Variants in POMT2 observed in about 807,000 individuals in gnomAD.
POMT2 encodes protein O-mannosyl-transferase 2.
POMT2 carries 75 observed loss-of-function variants against 100.0 expected under a neutral mutation model. That is an observed-to-expected ratio of 0.75 (90% CI 0.62 to 0.91). The LOEUF (loss-of-function observed/expected upper bound fraction) is 0.91. Ranked by LOEUF, POMT2 falls within the 40% of genes least tolerant of loss-of-function variation. The pLI is 0.00. For synonymous variants in POMT2, 378 were observed against 374.1 expected, an observed-to-expected ratio of 1.01 and a Z score of -0.12; for missense variants, 940 against 955.1, an observed-to-expected ratio of 0.98 and a Z score of 0.21.
At chr14:77,308,384 T>A (rs1380248198) in intron 2 of POMT2, among the ~76,000 whole-genome samples, 3 of 139,534 alleles carry the variant, frequency 2.2e-5, no homozygotes, top group African/African-American at 5.4e-5. Flanking sequence ...AGATGAAGTG[T>A]TGCTCTTGTC....
At chr14:77,278,117 G>T (rs900107613) in intron 20 of POMT2, among the ~76,000 whole-genome samples, 1 of 152,222 alleles carries the variant, frequency 6.6e-6, no homozygotes, top group African/African-American at 2.4e-5. Flanking sequence ...TGTCACTAGA[G>T]GGGTACCCTT....
chr14:77,306,201 A>C, intron 3 of POMT2, 136 bp downstream of exon 3: 1 of 1,458,554 alleles, frequency 6.9e-7, no homozygotes, highest in Non-Finnish European at 9.3e-7. Flanking sequence ...GGAGGGTCTG[A>C]TCATCCTCCC....
intron 2 of POMT2, among the ~76,000 whole-genome samples, chr14:77,310,312 G>A (rs545839875): frequency 1.4e-4 from 21 of 152,266 alleles, no homozygotes; most frequent in Admixed American, 6.5e-4. Context: ...TCCCTATGAC[G>A]AACTACTTAT....
intron 8 of POMT2, chr14:77,296,599 A>C: frequency 6.6e-6 from 2 of 301,476 alleles, no homozygotes; most frequent in Non-Finnish European, 1.2e-5. Flanking sequence ...TGGAATAAAG[A>C]AGGAAGTATC....
intron 1 of POMT2, 170 bp downstream of exon 1, chr14:77,320,264 C>G (rs1891812170): frequency 3.5e-6 from 4 of 1,127,944 alleles, no homozygotes; most frequent in Non-Finnish European, 5.1e-6. Context: ...AAACGATCCC[C>G]CTCCCAGAGA....
Position 77,292,462 on chromosome 14 carries a change from T to C in POMT2, c.1117-1082A>G, listed in dbSNP as rs548425783. On this transcript the variant is annotated intron_variant, in intron 9 of 20. Transcript: ENST00000261534. ...AGGAAACTGAAGTTAAGTAATTTGC[T>C]CAAGGTCACACAGCTTATGCGTTGG... Among the ~76,000 whole-genome samples, 17 of 152,182 alleles carry C rather than the reference T, an allele frequency of 1.1e-4. 1 individual carries two copies. The highest frequency in any genetic ancestry group is 2.2e-4 in the Non-Finnish European group (15 of 68,028).
intron 3 of POMT2, among the ~76,000 whole-genome samples, chr14:77,305,696 C>T (rs940461129): frequency 1.3e-5 from 2 of 152,254 alleles, no homozygotes; most frequent in African/African-American, 4.8e-5. Flanking sequence ...TCAGCTTCTG[C>T]TGGCTTCATT....
intron 11 of POMT2, 21 bp from the exon 12 acceptor site, chr14:77,286,843 G>C: frequency 6.2e-7 from 1 of 1,614,164 alleles, no homozygotes; most frequent in Non-Finnish European, 8.5e-7. Context: ...GAAAAGAGAA[G>C]TGTCATTATC....
chr14:77,279,400 C>T, intron 18 of POMT2: 1 of 394,136 alleles, frequency 2.5e-6, no homozygotes, highest in Admixed American at 3.2e-5. Flanking sequence ...GGAGGCTCCT[C>T]TCTAGCCCAT....
At chr14:77,308,999 T>C (rs1891340645) in intron 2 of POMT2, among the ~76,000 whole-genome samples, 1 of 152,206 alleles carries the variant, frequency 6.6e-6, no homozygotes, top group Non-Finnish European at 1.5e-5. Flanking sequence ...CACACGGCCA[T>C]TAAACAGAAT....
At chr14:77,305,052 G>C (rs946671095) in intron 3 of POMT2, among the ~76,000 whole-genome samples, 16 of 152,218 alleles carry the variant, frequency 1.1e-4, no homozygotes, top group African/African-American at 3.9e-4. Context: ...AGCCAGGAAG[G>C]TGTGGGTAGG....
Position 77,299,443 on chromosome 14 carries a change from CTCTG to C in POMT2, c.923+8_923+11del, listed in dbSNP as rs1272206712. 2.5e-6 allele frequency: 4 copies of C among 1,609,110 alleles called. No individual in the cohort carries two copies. Among genetic ancestry groups the C allele is most frequent in the African/African-American group, 1.3e-5 (1 of 74,788 alleles). ...AACCAGAAGCAAGATGCTGCAAAGGCTCTGTCTGTACCTTTTACTCAGCACCATG... is the reference window on the plus strand; with the variant it reads ...AACCAGAAGCAAGATGCTGCAAAGGCTCTGTACCTTTTACTCAGCACCATG... On this transcript the variant is annotated splice_region_variant and intron_variant, in intron 7 of 20. Coordinates refer to ENST00000261534, the MANE Select transcript of POMT2 (RefSeq NM_013382.7).
chr14:77,299,504 C>A lies in POMT2; in HGVS notation c.874G>T (p.Ala292Ser). 6.2e-7 allele frequency: 1 copy of A among 1,614,086 alleles called. No homozygotes were observed. Among genetic ancestry groups the A allele is most frequent in the Non-Finnish European group, 8.5e-7 (1 of 1,179,996 alleles). The change falls in exon 7 of 21, where the codon GCT becomes TCT. Residue 292 changes from alanine (A) to serine (S), a missense_variant. By Grantham distance (99) the Ala-to-Ser change is moderately conservative. Transcript: ENST00000261534. ...RVLCLIVLPLALYTATFAVHF... is the reference protein window; with the variant it reads ...RVLCLIVLPLSLYTATFAVHF... ...ACAGCAAAGGTGGCTGTATAGAGAG[C>A]CAGGGGCAGCACTATGAGGCACAGG...
chr14:77,300,985 C>A lies in POMT2; in HGVS notation c.816+105G>T, dbSNP rs915930002. On this transcript the variant is annotated intron_variant, in intron 6 of 20. Coordinates refer to ENST00000261534, the MANE Select transcript of POMT2 (RefSeq NM_013382.7). Reference sequence around the variant, plus strand: ...GGTCCAGCCCACCTGGGACCCAGAACACAGCCACTCTGCCACCTGCAGTAG... The same window carrying A: ...GGTCCAGCCCACCTGGGACCCAGAAAACAGCCACTCTGCCACCTGCAGTAG... 4 of 1,607,636 alleles carry A rather than the reference C, an allele frequency of 2.5e-6. No homozygotes were observed. In the African/African-American group the frequency reaches 5.3e-5, roughly 21 times the overall value.
In POMT2 at chr14:77,310,750, G is replaced by T. The variant is rs182500711; in HGVS notation, c.333+1199C>A. On this transcript the variant is annotated intron_variant, in intron 2 of 20. Coordinates refer to ENST00000261534, the MANE Select transcript of POMT2 (RefSeq NM_013382.7). ...ATCACAGGAAAATTCCTGTCCCCTT[G>T]GTGCCCAAGATCTAAGTCTCCAGTT... Among the ~76,000 whole-genome samples, 49 of 152,300 alleles carry T rather than the reference G, an allele frequency of 3.2e-4. 1 individual carries two copies. The East Asian group carries it at 6.4e-3, about 20-fold the overall frequency.
intron 12 of POMT2, among the ~76,000 whole-genome samples, chr14:77,286,439 C>T (rs1394480235): frequency 2.6e-5 from 4 of 152,154 alleles, no homozygotes; most frequent in African/African-American, 9.7e-5. Context: ...GGGTCCTTGG[C>T]TTCTATGTCC....
At chr14:77,308,724 C>G in intron 2 of POMT2, 1 of 450,184 alleles carries the variant, frequency 2.2e-6, no homozygotes, top group East Asian at 7.1e-5. Flanking sequence ...CTGTCATACA[C>G]TGTTGGTGGG....
At chr14:77,313,430 T>C (rs1891511499) in intron 1 of POMT2, among the ~76,000 whole-genome samples, 1 of 152,230 alleles carries the variant, frequency 6.6e-6, no homozygotes, top group African/African-American at 2.4e-5. Context: ...GCTCCACCAC[T>C]AATTAATGGC....
At chr14:77,306,204 A>G in intron 3 of POMT2, 133 bp downstream of exon 3, 1 of 1,487,942 alleles carries the variant, frequency 6.7e-7, no homozygotes, top group Non-Finnish European at 9.1e-7. Context: ...GGGTCTGATC[A>G]TCCTCCCCTC....
Sources: allele counts gnomAD v4.1 joint callset (sites outside exome capture counted in the v4.1 genomes callset), GRCh38; gene constraint gnomAD v4.1.1; transcripts MANE v1.5; gene names NCBI Gene and HGNC (gene_info 2026-07-23, HGNC 2026-07-21).